FRMD3: variants seen among roughly 807,000 people sequenced by gnomAD.
FRMD3 encodes the protein FERM domain-containing protein 3.
A neutral mutation model predicts 70.2 loss-of-function variants in FRMD3; 33 were observed. The observed-to-expected ratio is 0.47, with a 90% CI of 0.36 to 0.63. The LOEUF (loss-of-function observed/expected upper bound fraction) is 0.63. Among genes scored for constraint, FRMD3 ranks in the 20% least tolerant of loss-of-function variants. The pLI is 0.00. For synonymous variants in FRMD3, 279 were observed against 255.9 expected (o/e 1.09, Z -0.86); for missense variants, 632 against 711.4 (o/e 0.89, Z 1.27).
intron 12 of FRMD3, 123 bp downstream of exon 12, chr9:83,298,625 T>A (rs1834771775): frequency 1.4e-6 from 1 of 723,540 alleles, no homozygotes; most frequent in East Asian, 2.7e-5. Flanking sequence ...CTGAGTGAGA[T>A]GTCTAAGGAA....
chr9:83,382,522 A>G lies in FRMD3; in HGVS notation c.252+7082T>C, dbSNP rs138711219. On this transcript the variant is annotated intron_variant, in intron 2 of 13. Transcript: ENST00000304195. ...GTGTAAGGAACCTGCTCAAAGTGGTACAACCAGCAGGTGGCAGAGATAGGA... is the reference window on the plus strand; with the variant it reads ...GTGTAAGGAACCTGCTCAAAGTGGTGCAACCAGCAGGTGGCAGAGATAGGA... 3.3e-5 allele frequency among the ~76,000 whole-genome samples: 5 copies of G among 152,368 alleles called. No individual in the cohort carries two copies. In the East Asian group the frequency reaches 9.6e-4, roughly 29 times the overall value.
chr9:83,520,992 A>AT (rs1239347980), intron 1 of FRMD3, among the ~76,000 whole-genome samples: 2 of 148,512 alleles, frequency 1.3e-5, no homozygotes, highest in African/African-American at 5.0e-5. Flanking sequence ...AAAAAAAAAA[A>AT]GCCAGGCATG....
Position 83,248,482 on chromosome 9 carries a change from A to G in FRMD3, c.1230T>C (p.Ala410=). Residue 410 remains alanine (A), a synonymous_variant, in exon 14 of 14, where the codon GCT becomes GCC. Coordinates refer to ENST00000304195, the MANE Select transcript of FRMD3 (RefSeq NM_174938.6). ...VPLPKEENIS[A]PLISSSPVKA... is the part of the protein sequence containing the mutation. ...TCACTGGGGAGCTGGAGATCAAGGGAGCAGAAATGTTCTCCTCTTTAGGCA... is the reference window on the plus strand; with the variant it reads ...TCACTGGGGAGCTGGAGATCAAGGGGGCAGAAATGTTCTCCTCTTTAGGCA... 6.2e-7 allele frequency: 1 copy of G among 1,612,202 alleles called. No homozygotes were observed. The highest frequency in any genetic ancestry group is 2.2e-5 in the East Asian group (1 of 44,870).
chr9:83,313,667 G>T lies in FRMD3; in HGVS notation c.677C>A (p.Pro226Gln). The T allele has an allele frequency of 6.2e-7, 1 of 1,613,300 alleles. No individual in the cohort carries two copies. The highest frequency in any genetic ancestry group is 1.1e-5 in the South Asian group (1 of 91,044). Residue 226 changes from proline (P) to glutamine (Q), a missense_variant, in exon 7 of 14, where the codon CCA (proline) becomes CAA (glutamine). Physicochemically the swap from Pro to Gln is moderately conservative, Grantham distance 76. Around this residue, in one of 3 missense-constraint regions of FRMD3, gnomAD observed 418 missense variants for 442.1 expected, o/e 0.95. Transcript: ENST00000304195. ...GCTGTGAGGGGCAGTTACCTTGCATGGGTGAGGATCCACCCCGTAGGTTTC... is the reference window on the plus strand; with the variant it reads ...GCTGTGAGGGGCAGTTACCTTGCATTGGTGAGGATCCACCCCGTAGGTTTC... ...TLETYGVDPH[P>Q]CKDSTGTTTF...
intron 3 of FRMD3, among the ~76,000 whole-genome samples, chr9:83,361,566 T>TA (rs1824585899): frequency 6.6e-6 from 1 of 152,010 alleles, no homozygotes; most frequent in Non-Finnish European, 1.5e-5. Context: ...GGGCTAGAGG[T>TA]AGTAAGCTAA....
intron 1 of FRMD3, among the ~76,000 whole-genome samples, chr9:83,421,683 C>G (rs1347342139): frequency 1.3e-5 from 2 of 152,246 alleles, no homozygotes; most frequent in East Asian, 3.9e-4. Context: ...ACATTCTTGC[C>G]CTCTCCTCCC....
intron 3 of FRMD3, among the ~76,000 whole-genome samples, chr9:83,356,176 A>G (rs1278923204): frequency 6.6e-6 from 1 of 152,130 alleles, no homozygotes; most frequent in African/African-American, 2.4e-5. Context: ...GTGAAAGGGA[A>G]AAAGGGACTT....
chr9:83,480,289 T>A (rs7020613), intron 1 of FRMD3, among the ~76,000 whole-genome samples: 63,863 of 151,938 alleles, frequency 0.42, 13,556 homozygotes, highest in Middle Eastern at 0.46. Flanking sequence ...ACCTGCAGCA[T>A]TGTGACTGAA....
intron 7 of FRMD3, among the ~76,000 whole-genome samples, chr9:83,312,470 C>T (rs1835398818): frequency 6.6e-6 from 1 of 152,168 alleles, no homozygotes; most frequent in African/African-American, 2.4e-5. Context: ...GAAAACTAAG[C>T]ATCTTGTAGA....
chr9:83,282,294 G>T (rs1035831132), intron 13 of FRMD3, among the ~76,000 whole-genome samples: 1 of 152,186 alleles, frequency 6.6e-6, no homozygotes, highest in Non-Finnish European at 1.5e-5. Flanking sequence ...AAACTTAAAA[G>T]TTGAAGGTGG....
At chr9:83,254,833 C>A (rs554820633) in intron 13 of FRMD3, among the ~76,000 whole-genome samples, 2 of 152,046 alleles carry the variant, frequency 1.3e-5, no homozygotes, top group Non-Finnish European at 2.9e-5. Flanking sequence ...CAGAGAGAAA[C>A]TGAATATCTG....
chr9:83,267,184 G>C, intron 13 of FRMD3: 1 of 1,550,352 alleles, frequency 6.5e-7, no homozygotes, highest in African/African-American at 1.4e-5. Context: ...GCATGGCCCA[G>C]GGCAGCCTTT....
chr9:83,271,838 T>C (rs987160242), intron 13 of FRMD3, among the ~76,000 whole-genome samples: 8 of 152,192 alleles, frequency 5.3e-5, no homozygotes, highest in African/African-American at 1.7e-4. Context: ...AGACAAAGTA[T>C]AGTTCAAGCA....
chr9:83,426,548 C>T (rs1022122625), intron 1 of FRMD3, among the ~76,000 whole-genome samples: 9 of 152,232 alleles, frequency 5.9e-5, no homozygotes, highest in African/African-American at 1.9e-4. Context: ...GACTTAGCAA[C>T]ATCCTGTATT....
chr9:83,444,810 T>C (rs566467759), intron 1 of FRMD3, among the ~76,000 whole-genome samples: 93 of 152,304 alleles, frequency 6.1e-4, no homozygotes, highest in Non-Finnish European at 9.0e-4. Flanking sequence ...TGAGAAATCC[T>C]TGTCTTCCAC....
At chr9:83,461,463 C>A (rs553445454) in intron 1 of FRMD3, among the ~76,000 whole-genome samples, 1 of 151,910 alleles carries the variant, frequency 6.6e-6, no homozygotes, top group African/African-American at 2.4e-5. Flanking sequence ...TGGGATAAAC[C>A]CAGGATGCCA....
At chr9:83,306,853 T>C (rs577229877) in intron 10 of FRMD3, among the ~76,000 whole-genome samples, 2 of 152,330 alleles carry the variant, frequency 1.3e-5, no homozygotes, top group African/African-American at 4.8e-5. Flanking sequence ...TCAGTGAGTA[T>C]ATAGTTTCCT....
chr9:83,487,273 AG>A (rs1229018507), intron 1 of FRMD3, among the ~76,000 whole-genome samples: 1 of 152,228 alleles, frequency 6.6e-6, no homozygotes, highest in Non-Finnish European at 1.5e-5. Flanking sequence ...AAAGTGAATC[AG>A]GCAGGCTTTG....
At chr9:83,384,052 C>CTTCCTTTTA (rs1825438477) in intron 2 of FRMD3, among the ~76,000 whole-genome samples, 1 of 152,194 alleles carries the variant, frequency 6.6e-6, no homozygotes, top group South Asian at 2.1e-4. Context: ...TTCAAGTTAT[C>CTTCCTTTTA]ACGATAGTAC....
Sources: gnomAD v4.1 joint callset for allele counts (sites outside exome capture counted in the v4.1 genomes callset) on GRCh38, gnomAD v4.1.1 for gene constraint, gnomAD v4.1.1 regional missense constraint, MANE v1.5 for transcripts, NCBI Gene and HGNC (gene_info 2026-07-23, HGNC 2026-07-21) for gene names.